BCL7A: variants seen among roughly 807,000 people sequenced by gnomAD.
The protein encoded by BCL7A is BAF chromatin remodeling complex subunit BCL7A, also known as B-cell CLL/lymphoma 7 protein family member A.
In BCL7A, 11 loss-of-function variants were observed where a neutral mutation model predicts 28.4. That is an observed-to-expected ratio of 0.39 (90% CI 0.24 to 0.64). The LOEUF is 0.64. BCL7A is among the 30% of genes least tolerant of loss of function. BCL7A has a pLI of 0.50. For missense variants in BCL7A, 222 were observed against 274.8 expected, an observed-to-expected ratio of 0.81 and a Z score of 1.36; for synonymous variants, 123 against 103.3, an observed-to-expected ratio of 1.19 and a Z score of -1.15.
intron 4 of BCL7A, among the ~76,000 whole-genome samples, chr12:122,049,029 A>G (rs1167703612): frequency 1.4e-5 from 1 of 69,002 alleles, no homozygotes; most frequent in East Asian, 3.1e-4. Flanking sequence ...AAAAAAAAAA[A>G]AAAAAAATAT....
chr12:122,055,130 T>TGAGGGCA, intron 5 of BCL7A: 1 of 1,069,170 alleles, frequency 9.4e-7, no homozygotes, highest in Non-Finnish European at 1.3e-6. Context: ...TAATGAGACT[T>TGAGGGCA]GTGGCCTCTG....
rs1399087554 is a variant in BCL7A at position 122,060,712 on chromosome 12, G to A, written c.*1549G>A. On this transcript the variant is annotated 3_prime_UTR_variant, in exon 6 of 6. Coordinates refer to ENST00000261822, the MANE Select transcript of BCL7A (RefSeq NM_001024808.3). ...TGCATATTCAGGTACCACCTTTGACGTGTGGCTCTTTCTCCTGACCATCAT... is the reference window on the plus strand; with the variant it reads ...TGCATATTCAGGTACCACCTTTGACATGTGGCTCTTTCTCCTGACCATCAT... 2 of 232,640 alleles carry A rather than the reference G, an allele frequency of 8.6e-6. No homozygotes were observed. Among genetic ancestry groups the A allele is most frequent in the Non-Finnish European group, 8.5e-6 (1 of 117,646 alleles). The allele number at this position is 232,640 out of a possible 1,614,324, so 14.4% of individuals were successfully genotyped here. A position where few individuals can be genotyped will look rare whatever the true frequency, so the allele number is the denominator to read the frequency against.
At chr12:122,023,523 A>G (rs1555222405) in intron 1 of BCL7A, among the ~76,000 whole-genome samples, 1 of 152,318 alleles carries the variant, frequency 6.6e-6, no homozygotes, top group Non-Finnish European at 1.5e-5. Context: ...AGGAAAATCA[A>G]TAAAGTCCAC....
chr12:122,041,724 GC>G (rs1191496854), intron 3 of BCL7A, among the ~76,000 whole-genome samples: 2 of 152,108 alleles, frequency 1.3e-5, no homozygotes, highest in Non-Finnish European at 2.9e-5. Context: ...TGATTGTGCT[GC>G]TGTACTCCAG....
chr12:122,043,758 A>C, intron 3 of BCL7A, 128 bp from the exon 4 acceptor site: 5 of 938,772 alleles, frequency 5.3e-6, no homozygotes, highest in Non-Finnish European at 7.6e-6. Context: ...AACGGTAACC[A>C]GACCCCTCCC....
intron 3 of BCL7A, among the ~76,000 whole-genome samples, chr12:122,037,175 T>TG (rs1388263042): frequency 6.6e-6 from 1 of 152,200 alleles, no homozygotes; most frequent in African/African-American, 2.4e-5. Context: ...AGCAAGAGTG[T>TG]GGCGCCTCCA....
chr12:122,042,724 G>A (rs1883986392), intron 3 of BCL7A, among the ~76,000 whole-genome samples: 1 of 151,728 alleles, frequency 6.6e-6, no homozygotes, highest in African/African-American at 2.4e-5. Context: ...AGTATTTTCT[G>A]GTAAATTTCC....
chr12:122,034,190 CAT>C (rs55770934), intron 2 of BCL7A, among the ~76,000 whole-genome samples: 198 of 97,040 alleles, frequency 2.0e-3, no homozygotes, highest in East Asian at 4.7e-3. Flanking sequence ...CTGCATCTTT[CAT>C]ATATATATAT....
intron 4 of BCL7A, among the ~76,000 whole-genome samples, chr12:122,050,218 T>C (rs1487755818): frequency 6.6e-6 from 1 of 151,756 alleles, no homozygotes; most frequent in African/African-American, 2.4e-5. Context: ...TGACCTCAGG[T>C]GATCCACCCG....
intron 1 of BCL7A, among the ~76,000 whole-genome samples, chr12:122,026,729 C>T (rs958807070): frequency 3.3e-5 from 5 of 152,160 alleles, no homozygotes; most frequent in African/African-American, 4.8e-5. Context: ...AGGGACTAGC[C>T]ATGAGGAGTG....
At chr12:122,026,564 C>T (rs891282097) in intron 1 of BCL7A, among the ~76,000 whole-genome samples, 1 of 152,226 alleles carries the variant, frequency 6.6e-6, no homozygotes, top group African/African-American at 2.4e-5. Flanking sequence ...CCCGTCTGTC[C>T]CAGGAGAGGT....
At chr12:122,049,956 CT>C (rs1368991358) in intron 4 of BCL7A, among the ~76,000 whole-genome samples, 1 of 151,904 alleles carries the variant, frequency 6.6e-6, no homozygotes, top group Non-Finnish European at 1.5e-5. Context: ...CTCAGCACCC[CT>C]GGCATTTGGA....
At chr12:122,022,463 G>A (rs1251810663) in intron 1 of BCL7A, among the ~76,000 whole-genome samples, 1 of 145,248 alleles carries the variant, frequency 6.9e-6, no homozygotes, top group Non-Finnish European at 1.5e-5. Flanking sequence ...CGGTTGGAGC[G>A]GCGGGGCGGC....
At chr12:122,027,544 A>C (rs1170635400) in intron 1 of BCL7A, among the ~76,000 whole-genome samples, 1 of 152,100 alleles carries the variant, frequency 6.6e-6, no homozygotes, top group Non-Finnish European at 1.5e-5. Context: ...TATCTCAAAA[A>C]AATAACAAAT....
At chr12:122,048,065 G>A (rs569411650) in intron 4 of BCL7A, among the ~76,000 whole-genome samples, 2 of 151,856 alleles carry the variant, frequency 1.3e-5, no homozygotes, top group South Asian at 2.1e-4. Flanking sequence ...CCCCACACCC[G>A]GCTAACTTTT....
Position 122,021,941 on chromosome 12 carries a change from T to G in BCL7A, c.-151T>G. 1 of 565,718 alleles carries G rather than the reference T, an allele frequency of 1.8e-6. No individual in the cohort carries two copies. Among genetic ancestry groups the G allele is most frequent in the Non-Finnish European group, 3.1e-6 (1 of 317,876 alleles). 35.0% of individuals were successfully genotyped at this position (565,718 alleles called of 1,614,324 possible). The stretch of plus-strand genomic sequence containing the variant: ...TTGTGTGTGTGTGTATGTGTGTGTG[T>G]GTGTGTGTGTGTGTGTGAGTGTGTG... On this transcript the variant is annotated 5_prime_UTR_variant, in exon 1 of 6. Transcript: ENST00000261822.
intron 2 of BCL7A, 59 bp downstream of exon 2, chr12:122,030,840 G>A (rs1257708085): frequency 2.6e-6 from 4 of 1,519,056 alleles, no homozygotes; most frequent in Non-Finnish European, 3.7e-6. Flanking sequence ...CTCCCACCAT[G>A]GGGAGGGAGA....
chr12:122,028,404 G>C (rs1426362499), intron 1 of BCL7A, among the ~76,000 whole-genome samples: 3 of 152,010 alleles, frequency 2.0e-5, no homozygotes, highest in Admixed American at 2.0e-4. Flanking sequence ...TGTGTTACAA[G>C]TCAATTACTT....
intron 4 of BCL7A, 141 bp from the exon 5 acceptor site, chr12:122,054,656 CCCAGCCCT>C (rs1884270804): frequency 1.3e-6 from 1 of 787,288 alleles, no homozygotes; most frequent in South Asian, 1.7e-5. Flanking sequence ...CAGGAGACTC[CCCAGCCCT>C]CCAGCCCCCC....
Sources: gnomAD v4.1 joint callset for allele counts (sites outside exome capture counted in the v4.1 genomes callset) on GRCh38, gnomAD v4.1.1 for gene constraint, MANE v1.5 for transcripts, NCBI Gene and HGNC (gene_info 2026-07-23, HGNC 2026-07-21) for gene names.